Variants in RAPGEF5 observed in about 807,000 individuals in gnomAD.
The protein encoded by RAPGEF5 is Rap guanine nucleotide exchange factor 5, also known as M-Ras-regulated GEF.
Under a neutral mutation model 125.2 loss-of-function variants are expected in RAPGEF5, and 65 were observed. The observed-to-expected ratio is 0.52, with a 90% CI of 0.43 to 0.64. The LOEUF (loss-of-function observed/expected upper bound fraction) is 0.64, where lower values mean the gene tolerates loss of function less well. Among genes scored for constraint, RAPGEF5 ranks in the 30% least tolerant of loss-of-function variants. The pLI, the probability that RAPGEF5 is intolerant of heterozygous loss-of-function variation, is 0.00. For synonymous variants in RAPGEF5, 391 were observed against 385.9 expected, an observed-to-expected ratio of 1.01 and a Z score of -0.16; for missense variants, 958 against 1,048.1, an observed-to-expected ratio of 0.91 and a Z score of 1.19.
At chr7:22,170,849 T>C (rs1784326917) in intron 11 of RAPGEF5, among the ~76,000 whole-genome samples, 1 of 152,146 alleles carries the variant, frequency 6.6e-6, no homozygotes, top group Admixed American at 6.5e-5. Flanking sequence ...ATAAAAACAA[T>C]GAGGCTATAT....
chr7:22,350,287 CT>C (rs1469404044), intron 1 of RAPGEF5, among the ~76,000 whole-genome samples: 2 of 152,128 alleles, frequency 1.3e-5, no homozygotes, highest in African/African-American at 4.8e-5. Flanking sequence ...GAAATGAAGC[CT>C]ATTTGTTATG....
intron 1 of RAPGEF5, among the ~76,000 whole-genome samples, chr7:22,334,707 T>A (rs10243405): frequency 0.3 from 46,118 of 152,146 alleles, 7,205 homozygotes; most frequent in East Asian, 0.37. Context: ...CACTTGTTAT[T>A]AATATTAATG....
intron 7 of RAPGEF5, among the ~76,000 whole-genome samples, chr7:22,239,795 G>T (rs1786278980): frequency 6.6e-6 from 1 of 152,146 alleles, no homozygotes; most frequent in Admixed American, 6.5e-5. Flanking sequence ...TCTCATATCG[G>T]TTCCTTTAAT....
chr7:22,314,821 C>T (rs1362407591), intron 3 of RAPGEF5, among the ~76,000 whole-genome samples: 1 of 152,088 alleles, frequency 6.6e-6, no homozygotes, highest in Non-Finnish European at 1.5e-5. Flanking sequence ...TTCTAAGTGA[C>T]CATGCCCTTG....
intron 11 of RAPGEF5, among the ~76,000 whole-genome samples, chr7:22,188,329 C>T (rs1317685935): frequency 2.6e-5 from 4 of 152,126 alleles, no homozygotes; most frequent in Non-Finnish European, 4.4e-5. Flanking sequence ...GAAAGATATT[C>T]TTAATTTTCC....
intron 22 of RAPGEF5, among the ~76,000 whole-genome samples, chr7:22,136,648 T>C (rs1185850170): frequency 6.6e-6 from 1 of 152,168 alleles, no homozygotes; most frequent in African/African-American, 2.4e-5. Flanking sequence ...AAATTTATAC[T>C]GATTAATTTT....
intron 14 of RAPGEF5, among the ~76,000 whole-genome samples, chr7:22,159,882 G>A (rs1177436021): frequency 2.0e-5 from 3 of 152,158 alleles, no homozygotes; most frequent in African/African-American, 7.2e-5. Flanking sequence ...GCTGAGGTGG[G>A]CGAATCACCT....
Position 22,154,561 on chromosome 7 carries a change from CA to C in RAPGEF5, c.1679del (p.Val560GlyfsTer8). The stretch of plus-strand genomic sequence containing the variant: ...GGGCTATACTGGAAACTTTTGCCTT[CA>C]CACTGACATAGGAGTGCTCTGTTAT... Reference protein sequence around the residue: ...VYITEHSYVSVKAKVSSIAQE... With the variant: ...VYITEHSYVSXKAKVSSIAQE... On this transcript the variant is annotated frameshift_variant, in exon 17 of 26. Transcript: ENST00000665637. LOFTEE classifies it high-confidence loss of function. 1 of 1,613,858 alleles carries C rather than the reference CA, an allele frequency of 6.2e-7. No individual in the cohort carries two copies. Among genetic ancestry groups the C allele is most frequent in the Non-Finnish European group, 8.5e-7 (1 of 1,179,794 alleles).
intron 6 of RAPGEF5, among the ~76,000 whole-genome samples, chr7:22,290,642 G>A (rs899810211): frequency 2.6e-5 from 4 of 150,944 alleles, no homozygotes; most frequent in Non-Finnish European, 5.9e-5. Context: ...CTACTTGGGA[G>A]GCTGAGGCAG....
chr7:22,227,299 C>T (rs1316183027), intron 8 of RAPGEF5, among the ~76,000 whole-genome samples: 1 of 151,924 alleles, frequency 6.6e-6, no homozygotes, highest in African/African-American at 2.4e-5. Context: ...ACAGGATAAT[C>T]AATTTTCTTT....
intron 8 of RAPGEF5, among the ~76,000 whole-genome samples, chr7:22,222,064 T>C (rs1193227680): frequency 6.6e-6 from 1 of 151,986 alleles, no homozygotes; most frequent in Admixed American, 6.6e-5. Flanking sequence ...CTGGCCAACA[T>C]GGTGAAACCC....
At chr7:22,353,051 C>T (rs993331943) in intron 1 of RAPGEF5, among the ~76,000 whole-genome samples, 1 of 152,176 alleles carries the variant, frequency 6.6e-6, no homozygotes, top group African/African-American at 2.4e-5. Context: ...TTACACAGCA[C>T]CATCCATGAA....
At chr7:22,163,865 A>T (rs1750752682) in intron 12 of RAPGEF5, among the ~76,000 whole-genome samples, 1 of 152,228 alleles carries the variant, frequency 6.6e-6, no homozygotes, top group South Asian at 2.1e-4. Context: ...ATTGGAATAA[A>T]CTTTATTTCA....
At chr7:22,199,531 G>GAAAAAAAA (rs35024654) in intron 9 of RAPGEF5, among the ~76,000 whole-genome samples, 6 of 62,848 alleles carry the variant, frequency 9.5e-5, no homozygotes, top group East Asian at 7.5e-4. Context: ...CCTTAAAATT[G>GAAAAAAAA]AAAAAAAAAA....
intron 1 of RAPGEF5, among the ~76,000 whole-genome samples, chr7:22,326,444 G>A (rs1783815583): frequency 6.6e-6 from 1 of 152,112 alleles, no homozygotes; most frequent in Non-Finnish European, 1.5e-5. Context: ...TTACATAATG[G>A]CCATCAAAGC....
chr7:22,182,169 A>C (rs1201214917), intron 11 of RAPGEF5, among the ~76,000 whole-genome samples: 6 of 152,192 alleles, frequency 3.9e-5, no homozygotes, highest in Admixed American at 3.9e-4. Flanking sequence ...CTTGAGGAAG[A>C]TGTCATAAAC....
At chr7:22,330,214 G>T (rs1783889540) in intron 1 of RAPGEF5, among the ~76,000 whole-genome samples, 1 of 152,202 alleles carries the variant, frequency 6.6e-6, no homozygotes, top group African/African-American at 2.4e-5. Context: ...AGTTATGGAT[G>T]GGGGAAAGTG....
intron 9 of RAPGEF5, among the ~76,000 whole-genome samples, chr7:22,196,030 C>A (rs547080263): frequency 1.3e-5 from 2 of 152,308 alleles, no homozygotes; most frequent in Admixed American, 1.3e-4. Context: ...TGGCTGTGCA[C>A]ACAGCAGCCA....
chr7:22,312,877 T>C (rs1370093145), intron 3 of RAPGEF5, among the ~76,000 whole-genome samples: 1 of 152,238 alleles, frequency 6.6e-6, no homozygotes, highest in Non-Finnish European at 1.5e-5. Context: ...TTTAATGCCT[T>C]GTCCCCATGT....
Sources: allele counts gnomAD v4.1 joint callset (sites outside exome capture counted in the v4.1 genomes callset), GRCh38; gene constraint gnomAD v4.1.1; transcripts MANE v1.5; gene names NCBI Gene and HGNC (gene_info 2026-07-23, HGNC 2026-07-21).